AKT2: variants seen among roughly 807,000 people sequenced by gnomAD.
AKT2 encodes the protein RAC-beta serine/threonine-protein kinase.
In AKT2, 16 loss-of-function variants were observed where a neutral mutation model predicts 58.6. The observed-to-expected ratio is 0.27, with a 90% CI of 0.18 to 0.41. AKT2 has a LOEUF of 0.41. Among genes scored for constraint, AKT2 ranks in the 10% least tolerant of loss-of-function variants. The pLI is 1.00. For missense variants in AKT2, 438 were observed against 661.0 expected, an observed-to-expected ratio of 0.66 and a Z score of 3.70; for synonymous variants, 253 against 254.0, an observed-to-expected ratio of 1.00 and a Z score of 0.04.
Position 40,235,874 on chromosome 19 carries a change from C to T in AKT2, c.1175+16G>A, listed in dbSNP as rs1235694396. On this transcript the variant is annotated intron_variant, in intron 11 of 13. Transcript: ENST00000392038. This position sits in a 1 kb window ranked among gnomAD's most constrained non-coding sequence, Gnocchi z 6.3. ...CAGCTGGCGCTGGGCTGGGTGGGGC[C>T]GACGCCAGCCCTCACCTCTGCTTGG... 5.6e-6 allele frequency: 9 copies of T among 1,596,918 alleles called. No individual in the cohort carries two copies. The highest frequency in any genetic ancestry group is 2.2e-5 in the East Asian group (1 of 44,606).
At position 40,253,970 on chromosome 19, in the gene AKT2, A is replaced by G. The variant is rs183195115; in HGVS notation, c.287+1188T>C. Among the ~76,000 whole-genome samples the G allele has an allele frequency of 5.9e-4, 88 of 150,282 alleles. 1 individual carries two copies. The highest frequency in any genetic ancestry group is 5.8e-3 in the Admixed American group (87 of 15,034). On this transcript the variant is annotated intron_variant, in intron 4 of 13. Coordinates refer to ENST00000392038, the MANE Select transcript of AKT2 (RefSeq NM_001626.6). ...CAAGTCCAGAAGCATGTACAATGCTACCTTTTGTATTTAAAAAAAAAAAAA... is the reference window on the plus strand; with the variant it reads ...CAAGTCCAGAAGCATGTACAATGCTGCCTTTTGTATTTAAAAAAAAAAAAA...
In AKT2 at chr19:40,253,909, C is replaced by G. The variant is rs1226416132; in HGVS notation, c.287+1249G>C. Among the ~76,000 whole-genome samples the G allele has an allele frequency of 4.6e-5, 7 of 150,660 alleles. No individual in the cohort carries two copies. In the East Asian group the frequency reaches 1.4e-3, roughly 29 times the overall value. On this transcript the variant is annotated intron_variant, in intron 4 of 13. Coordinates refer to ENST00000392038, the MANE Select transcript of AKT2 (RefSeq NM_001626.6). ...AAAGCAGCTGCATCTCTCCATATAT[C>G]AAGGCAAATTCCCCAAGGTACACTA...
At chr19:40,258,583 C>T (rs1014354753) in intron 2 of AKT2, among the ~76,000 whole-genome samples, 4 of 151,414 alleles carry the variant, frequency 2.6e-5, no homozygotes, top group African/African-American at 9.7e-5. Flanking sequence ...GCAGAATCAC[C>T]TGAGCTCAAG....
chr19:40,280,484 G>A (rs1225847048), intron 1 of AKT2, among the ~76,000 whole-genome samples: 1 of 152,142 alleles, frequency 6.6e-6, no homozygotes, highest in East Asian at 1.9e-4. Flanking sequence ...CCAGGCAGGA[G>A]CCTGTGACCG....
chr19:40,275,306 TGGGGAA>T (rs778824402), intron 1 of AKT2: 80 of 456,638 alleles, frequency 1.8e-4, no homozygotes, highest in African/African-American at 1.5e-3. Flanking sequence ...TTGGACTGCA[TGGGGAA>T]TCCCTGACCC....
intron 2 of AKT2, among the ~76,000 whole-genome samples, chr19:40,264,315 GA>G (rs1377116385): frequency 1.3e-5 from 2 of 152,082 alleles, no homozygotes; most frequent in Non-Finnish European, 2.9e-5. Context: ...GCCACTTTGG[GA>G]CAAACAGCCC....
chr19:40,242,535 A>G lies in AKT2; in HGVS notation c.440T>C (p.Val147Ala), dbSNP rs1477451871. The G allele has an allele frequency of 6.2e-7, 1 of 1,613,334 alleles. No homozygotes were observed. The highest frequency in any genetic ancestry group is 8.5e-7 in the Non-Finnish European group (1 of 1,179,966). The stretch of plus-strand genomic sequence containing the variant: ...CCCACCCCTGCTCCCAGCACTTACC[A>G]CTTTAGCCCGTGCCTTGCTGACCGC... Reference protein sequence around the residue: ...EVAVSKARAKVTMNDFDYLKL... With the variant: ...EVAVSKARAKATMNDFDYLKL... The change falls in exon 5 of 14, where the codon GTG becomes GCG. Residue 147 changes from valine to alanine, a missense_variant and splice_region_variant. Physicochemically the swap from Val to Ala is moderately conservative, Grantham distance 64 (BLOSUM62 0). Coordinates refer to ENST00000392038, the MANE Select transcript of AKT2 (RefSeq NM_001626.6). This position sits in a 1 kb window ranked among gnomAD's most constrained non-coding sequence, Gnocchi z 4.3.
At chr19:40,256,799 A>C (rs1262090336) in intron 3 of AKT2, 127 bp downstream of exon 3, 4 of 1,455,954 alleles carry the variant, frequency 2.7e-6, no homozygotes, top group Non-Finnish European at 3.8e-6. Context: ...GGAAGGGTGA[A>C]AACAGATCCA....
chr19:40,265,193 G>C (rs1298791267), intron 2 of AKT2, 29 bp downstream of exon 2: 10 of 1,609,316 alleles, frequency 6.2e-6, no homozygotes, highest in Non-Finnish European at 8.5e-6. Flanking sequence ...GTGGGAGAAA[G>C]AATCTGGCGG....
chr19:40,257,586 A>AACAC (rs59835118), intron 2 of AKT2, among the ~76,000 whole-genome samples: 16,321 of 146,084 alleles, frequency 0.11, 1,089 homozygotes, highest in African/African-American at 0.19. Flanking sequence ...TATGCACACA[A>AACAC]ACACACACAC....
chr19:40,271,149 G>C (rs1434002392), intron 1 of AKT2, among the ~76,000 whole-genome samples: 3 of 147,262 alleles, frequency 2.0e-5, no homozygotes, highest in Admixed American at 1.4e-4. Flanking sequence ...AGACCAGCCT[G>C]AGCAACATGG....
In AKT2 at chr19:40,231,340, TG is replaced by T. The variant is rs975565596; in HGVS notation, c.*2531del. 39 of 232,828 alleles carry T rather than the reference TG, an allele frequency of 1.7e-4. No homozygotes were observed. The highest frequency in any genetic ancestry group is 7.7e-4 in the African/African-American group (35 of 45,430). 14.4% of individuals were successfully genotyped at this position (232,828 alleles called of 1,614,324 possible). A position where few individuals can be genotyped will look rare whatever the true frequency, so the allele number is the denominator to read the frequency against. On this transcript the variant is annotated 3_prime_UTR_variant, in exon 14 of 14. Coordinates refer to ENST00000392038, the MANE Select transcript of AKT2 (RefSeq NM_001626.6). ...GGGTCAACTCGGGGCTGGGACGAGA[TG>T]GAAGAGTAAAAGGCCTTTCTTCATA...
rs1298791267 is a variant in AKT2, at chr19:40,265,193, G to T, written c.46+29C>A. 1.9e-6 allele frequency: 3 copies of T among 1,609,316 alleles called. No individual in the cohort carries two copies. The African/African-American group carries it at 4.0e-5, about 21-fold the overall frequency. On this transcript the variant is annotated intron_variant, in intron 2 of 13. Coordinates refer to ENST00000392038, the MANE Select transcript of AKT2 (RefSeq NM_001626.6). ...CCAGGAGGAGCCAGCGTGGGAGAAA[G>T]AATCTGGCGGGCAAAAGCGGCCTCT...
In AKT2 at chr19:40,248,441, G is replaced by C. The variant is rs1974902310; in HGVS notation, c.288-5754C>G. Among the ~76,000 whole-genome samples, 3 of 152,218 alleles carry C rather than the reference G, an allele frequency of 2.0e-5. No homozygotes were observed. In the South Asian group the frequency reaches 6.2e-4, roughly 32 times the overall value. ...AGTGTGTAGAAGCTCCAAGGCGGGG[G>C]CCAAACAGGGAGACTCCTTCTCAGA... On this transcript the variant is annotated intron_variant, in intron 4 of 13. Transcript: ENST00000392038.
At chr19:40,236,454 C>T in intron 9 of AKT2, 69 bp from the exon 10 acceptor site, 1 of 1,607,492 alleles carries the variant, frequency 6.2e-7, no homozygotes, top group African/African-American at 1.3e-5. Context: ...CCTTTCCTTC[C>T]AGGGAAAGAT....
intron 4 of AKT2, among the ~76,000 whole-genome samples, chr19:40,249,027 T>C (rs1974949374): frequency 1.4e-5 from 2 of 140,706 alleles, no homozygotes; most frequent in African/African-American, 2.7e-5. Context: ...GTGGAGGAGA[T>C]GAGGACAGGG....
chr19:40,255,762 G>T (rs1014049131), intron 3 of AKT2, among the ~76,000 whole-genome samples: 1 of 152,222 alleles, frequency 6.6e-6, no homozygotes, highest in Non-Finnish European at 1.5e-5. Context: ...AGCCAGGCAG[G>T]GCTTTGGAGG....
intron 1 of AKT2, chr19:40,282,525 C>T (rs775487707): frequency 1.9e-6 from 1 of 531,284 alleles, no homozygotes; most frequent in Non-Finnish European, 3.9e-6. Flanking sequence ...CAGAGATGCT[C>T]AGGGCAGCCT....
rs1007831122 is a variant in AKT2 at position 40,240,036 on chromosome 19, G to A, written c.639+9C>T. 3 of 1,613,778 alleles carry A rather than the reference G, an allele frequency of 1.9e-6. No homozygotes were observed. The highest frequency in any genetic ancestry group is 1.7e-6 in the Non-Finnish European group (2 of 1,179,808). ...CCTCACACTGTCTGGGAAGGGGAGG[G>A]CAACTCACAGTGAGGAACGGGTGCC... On this transcript the variant is annotated intron_variant, in intron 7 of 13. Coordinates refer to ENST00000392038, the MANE Select transcript of AKT2 (RefSeq NM_001626.6).
Sources: gnomAD v4.1 joint callset for allele counts (sites outside exome capture counted in the v4.1 genomes callset) on GRCh38, gnomAD v4.1.1 for gene constraint, Gnocchi (gnomAD v3.1) non-coding constraint, MANE v1.5 for transcripts, NCBI Gene and HGNC (gene_info 2026-07-23, HGNC 2026-07-21) for gene names.